NALCN: variants seen among roughly 807,000 people sequenced by gnomAD.
NALCN encodes sodium leak channel NALCN.
In NALCN, 111 loss-of-function variants were observed where a neutral mutation model predicts 225.3. The observed-to-expected ratio is 0.49, with a 90% CI of 0.42 to 0.58. The LOEUF (loss-of-function observed/expected upper bound fraction) is 0.58, where lower values mean the gene tolerates loss of function less well. Ranked by LOEUF, NALCN falls within the 20% of genes least tolerant of loss-of-function variation. NALCN has a pLI of 0.00. For missense variants in NALCN, 1,378 were observed against 2,202.4 expected, an observed-to-expected ratio of 0.63 and a Z score of 7.49; for synonymous variants, 764 against 769.0, an observed-to-expected ratio of 0.99 and a Z score of 0.11.
intron 13 of NALCN, among the ~76,000 whole-genome samples, chr13:101,205,641 T>C (rs1156565988): frequency 6.6e-6 from 1 of 152,148 alleles, no homozygotes; most frequent in African/African-American, 2.4e-5. Flanking sequence ...TTTGAATTAA[T>C]GCTCTTCATA....
intron 1 of NALCN, among the ~76,000 whole-genome samples, chr13:101,400,314 C>T (rs893108355): frequency 6.6e-6 from 1 of 152,006 alleles, no homozygotes; most frequent in Admixed American, 6.6e-5. Context: ...TAGAGTTGAC[C>T]ATGCTGAAGC....
At chr13:101,284,078 T>A in intron 9 of NALCN, 59 bp from the exon 10 acceptor site, 14 of 1,378,360 alleles carry the variant, frequency 1.0e-5, no homozygotes, top group Non-Finnish European at 1.3e-5. Context: ...TTGAGAACTC[T>A]ATGTCTCCAG....
chr13:101,232,566 C>T (rs542973233), intron 12 of NALCN, among the ~76,000 whole-genome samples: 4 of 151,880 alleles, frequency 2.6e-5, no homozygotes, highest in Non-Finnish European at 5.9e-5. Flanking sequence ...CTGCCTCAGC[C>T]TCCCGAGTAG....
chr13:101,240,254 C>T (rs1410219289), intron 11 of NALCN, among the ~76,000 whole-genome samples: 2 of 151,886 alleles, frequency 1.3e-5, no homozygotes, highest in East Asian at 3.8e-4. Flanking sequence ...TCCAGGAATG[C>T]ACTCTTTTCC....
chr13:101,408,567 C>T (rs1271506299), intron 1 of NALCN, among the ~76,000 whole-genome samples: 2 of 152,126 alleles, frequency 1.3e-5, no homozygotes, highest in South Asian at 2.1e-4. Flanking sequence ...ACTCCCCTGC[C>T]CCTGCAGGTA....
intron 10 of NALCN, among the ~76,000 whole-genome samples, chr13:101,283,573 T>C (rs544950051): frequency 2.4e-4 from 37 of 152,256 alleles, no homozygotes; most frequent in African/African-American, 8.4e-4. Context: ...ATTAACATAT[T>C]TTTCCCAGTT....
intron 2 of NALCN, among the ~76,000 whole-genome samples, chr13:101,397,133 G>A (rs1011574705): frequency 1.7e-5 from 2 of 120,900 alleles, no homozygotes; most frequent in African/African-American, 6.2e-5. Context: ...TATATATAAT[G>A]TGTGCATATA....
intron 7 of NALCN, among the ~76,000 whole-genome samples, chr13:101,333,613 G>A (rs1377800740): frequency 6.6e-6 from 1 of 152,218 alleles, no homozygotes; most frequent in African/African-American, 2.4e-5. Flanking sequence ...TTTTGGCAAA[G>A]CAGGGCTCAC....
chr13:101,261,755 T>C (rs1359782288), intron 10 of NALCN, among the ~76,000 whole-genome samples: 2 of 152,226 alleles, frequency 1.3e-5, no homozygotes, highest in Admixed American at 1.3e-4. Flanking sequence ...GTGGAGTCTT[T>C]AGGTTTTTCC....
intron 13 of NALCN, among the ~76,000 whole-genome samples, chr13:101,206,507 CGT>C (rs575295851): frequency 6.6e-6 from 1 of 151,478 alleles, no homozygotes; most frequent in Admixed American, 6.6e-5. Flanking sequence ...CTAGCATGTC[CGT>C]GTGTGTGTGT....
chr13:101,288,956 C>T (rs2043443568), intron 9 of NALCN, among the ~76,000 whole-genome samples: 1 of 152,174 alleles, frequency 6.6e-6, no homozygotes, highest in African/African-American at 2.4e-5. Flanking sequence ...AGTAAAGCAT[C>T]TAAATAATGG....
Position 101,181,299 on chromosome 13 carries a change from G to A in NALCN, c.1765-4925C>T, listed in dbSNP as rs201924183. On this transcript the variant is annotated intron_variant, in intron 14 of 43. Coordinates refer to ENST00000251127, the MANE Select transcript of NALCN (RefSeq NM_052867.4). ...GGAGAGGAAGGCAGGATGGACAGGCGTCTTGAGTGCCACAGAGGTCACGGA... is the reference window on the plus strand; with the variant it reads ...GGAGAGGAAGGCAGGATGGACAGGCATCTTGAGTGCCACAGAGGTCACGGA... The A allele has an allele frequency of 2.9e-3, 1,522 of 518,970 alleles. 17 individuals carry two copies. The highest frequency in any genetic ancestry group is 0.012 in the South Asian group (824 of 71,590). 32.1% of individuals were successfully genotyped at this position (518,970 alleles called of 1,614,324 possible).
chr13:101,322,716 A>G (rs2044791708), intron 7 of NALCN, among the ~76,000 whole-genome samples: 1 of 151,884 alleles, frequency 6.6e-6, no homozygotes, highest in Non-Finnish European at 1.5e-5. Context: ...TGGTTTTTTT[A>G]TTTTTTATTT....
intron 3 of NALCN, among the ~76,000 whole-genome samples, chr13:101,388,655 C>G (rs745958624): frequency 2.0e-5 from 3 of 152,118 alleles, no homozygotes; most frequent in African/African-American, 7.2e-5. Flanking sequence ...AAGTATGCCT[C>G]TGTTCTTTTT....
intron 3 of NALCN, among the ~76,000 whole-genome samples, chr13:101,382,904 A>G (rs2046889700): frequency 6.6e-6 from 1 of 151,852 alleles, no homozygotes; most frequent in South Asian, 2.1e-4. Context: ...ATCAGAATTG[A>G]CCTCTTTTTA....
intron 10 of NALCN, among the ~76,000 whole-genome samples, chr13:101,269,372 C>G (rs886616600): frequency 6.6e-6 from 1 of 152,076 alleles, no homozygotes; most frequent in Non-Finnish European, 1.5e-5. Flanking sequence ...TCTTCTGCCT[C>G]CTTCTGAGGA....
chr13:101,129,354 T>C (rs1244390200), intron 17 of NALCN, among the ~76,000 whole-genome samples: 2 of 152,256 alleles, frequency 1.3e-5, no homozygotes, highest in Non-Finnish European at 2.9e-5. Context: ...TAATGTTTAA[T>C]GGATTTCAGT....
intron 7 of NALCN, among the ~76,000 whole-genome samples, chr13:101,322,271 T>C (rs2044770120): frequency 2.0e-5 from 3 of 152,198 alleles, no homozygotes; most frequent in South Asian, 4.1e-4. Flanking sequence ...AATGCACAAA[T>C]ATATATGACA....
chr13:101,381,751 T>G (rs2046854681), intron 3 of NALCN, among the ~76,000 whole-genome samples: 1 of 152,144 alleles, frequency 6.6e-6, no homozygotes, highest in Non-Finnish European at 1.5e-5. Context: ...ATATAAAATA[T>G]TCATTATGTT....
Sources: gnomAD v4.1 joint callset for allele counts (sites outside exome capture counted in the v4.1 genomes callset) on GRCh38, gnomAD v4.1.1 for gene constraint, MANE v1.5 for transcripts, NCBI Gene and HGNC (gene_info 2026-07-23, HGNC 2026-07-21) for gene names.